The following NCALD variants were observed in gnomAD, a reference collection of about 807,000 sequenced individuals.
NCALD encodes neurocalcin-delta.
In NCALD, 10 loss-of-function variants were observed where a neutral mutation model predicts 18.6. The ratio of observed to expected loss-of-function variants is 0.54; its 90% CI spans 0.33 to 0.91. The LOEUF (loss-of-function observed/expected upper bound fraction) is 0.91. Ranked by LOEUF, NCALD falls within the 40% of genes least tolerant of loss-of-function variation. The probability of loss-of-function intolerance (pLI) is 0.03; values close to 1 mark genes in which losing one functional copy is unlikely to be tolerated. For missense variants in NCALD, 184 were observed against 247.6 expected (o/e 0.74, Z 1.72); for synonymous variants, 88 against 87.4 (o/e 1.01, Z -0.04).
At chr8:101,867,744 T>G (rs1300467456) in intron 4 of NCALD, among the ~76,000 whole-genome samples, 1 of 152,200 alleles carries the variant, frequency 6.6e-6, no homozygotes, top group Non-Finnish European at 1.5e-5. Flanking sequence ...CTGCTGAATC[T>G]CTGATGAGCC....
At chr8:102,004,708 C>G (rs9656850) in intron 2 of NCALD, among the ~76,000 whole-genome samples, 22,477 of 151,912 alleles carry the variant, frequency 0.15, 2,250 homozygotes, top group African/African-American at 0.28. Context: ...CAGAACAGAG[C>G]CCTCAGAAAT....
chr8:101,782,175 G>T (rs956678120), intron 1 of NCALD, among the ~76,000 whole-genome samples: 4 of 150,780 alleles, frequency 2.7e-5, no homozygotes, highest in Admixed American at 6.6e-5. Context: ...TGTTTTAAAG[G>T]CTTGACTTGT....
chr8:102,040,421 C>A (rs988167258), intron 1 of NCALD, among the ~76,000 whole-genome samples: 2 of 151,124 alleles, frequency 1.3e-5, no homozygotes, highest in African/African-American at 4.9e-5. Flanking sequence ...TTGCTGTGAG[C>A]CAAGATTGCT....
At chr8:101,886,660 C>T (rs934626416) in intron 4 of NCALD, among the ~76,000 whole-genome samples, 2 of 152,128 alleles carry the variant, frequency 1.3e-5, no homozygotes, top group Non-Finnish European at 2.9e-5. Flanking sequence ...GGTGCTGCTG[C>T]CCTAATTATA....
At chr8:101,873,522 A>G (rs1038341551) in intron 4 of NCALD, among the ~76,000 whole-genome samples, 1 of 152,250 alleles carries the variant, frequency 6.6e-6, no homozygotes, top group African/African-American at 2.4e-5. Flanking sequence ...ATTCACAGCT[A>G]TAACTGCTGC....
rs1030361523 is a variant in NCALD, at chr8:101,688,123, G to C, written c.*1186C>G. The C allele has an allele frequency of 6.5e-6, 1 of 153,014 alleles. No individual in the cohort carries two copies. Among genetic ancestry groups the C allele is most frequent in the Non-Finnish European group, 1.5e-5 (1 of 68,582 alleles). 9.5% of individuals were successfully genotyped at this position (153,014 alleles called of 1,614,324 possible). ...TATGTGATGTTTTTTCGAGTCTGCAGAGTATTGATCTGCTCAGAAAAGCAC... is the reference window on the plus strand; with the variant it reads ...TATGTGATGTTTTTTCGAGTCTGCACAGTATTGATCTGCTCAGAAAAGCAC... On this transcript the variant is annotated 3_prime_UTR_variant, in exon 4 of 4. Coordinates refer to ENST00000220931, the MANE Select transcript of NCALD (RefSeq NM_032041.3).
intron 1 of NCALD, among the ~76,000 whole-genome samples, chr8:101,730,777 C>T (rs1320416757): frequency 2.0e-5 from 3 of 152,124 alleles, no homozygotes; most frequent in Non-Finnish European, 4.4e-5. Flanking sequence ...TCATGGTTCC[C>T]GTATCCCTTA....
chr8:102,118,327 T>C (rs533760660), intron 1 of NCALD, among the ~76,000 whole-genome samples: 1 of 152,340 alleles, frequency 6.6e-6, no homozygotes, highest in Non-Finnish European at 1.5e-5. Flanking sequence ...CAGGGCTGGG[T>C]AGTGAAGGCT....
At chr8:101,804,510 TAA>T (rs1813006311) in intron 4 of NCALD, among the ~76,000 whole-genome samples, 1 of 124,240 alleles carries the variant, frequency 8.0e-6, no homozygotes, top group African/African-American at 3.6e-5. Context: ...ATTAATTATA[TAA>T]TATATAACAA....
chr8:101,958,658 A>G (rs1259507149), intron 2 of NCALD, among the ~76,000 whole-genome samples: 1 of 152,146 alleles, frequency 6.6e-6, no homozygotes. Flanking sequence ...TTATCCCTCA[A>G]CTGCTCTAGC....
intron 1 of NCALD, among the ~76,000 whole-genome samples, chr8:102,021,456 C>T (rs1822270239): frequency 6.6e-6 from 1 of 152,038 alleles, no homozygotes; most frequent in Admixed American, 6.6e-5. Context: ...ATTAAAAGAG[C>T]TCTATTGGAC....
At chr8:102,093,846 C>T (rs1260352866) in intron 1 of NCALD, among the ~76,000 whole-genome samples, 1 of 151,972 alleles carries the variant, frequency 6.6e-6, no homozygotes, top group Non-Finnish European at 1.5e-5. Flanking sequence ...CAATCAAACA[C>T]AATTCCTAAC....
At position 102,084,251 on chromosome 8, in the gene NCALD, A is replaced by G. The variant is rs530649446; in HGVS notation, c.-210+39986T>C. ...CCACTAGGGAATGTATTCGAATCAC[A>G]CAGCACCAAAGTAGGTTAATGGCCG... On this transcript the variant is annotated intron_variant, in intron 1 of 6. Transcript: ENST00000311028. Among the ~76,000 whole-genome samples, 10 of 152,340 alleles carry G rather than the reference A, an allele frequency of 6.6e-5. No individual in the cohort carries two copies. The South Asian group carries it at 2.1e-3, about 32-fold the overall frequency.
chr8:101,821,819 A>G (rs1813728831), intron 4 of NCALD, among the ~76,000 whole-genome samples: 1 of 148,062 alleles, frequency 6.8e-6, no homozygotes, highest in Non-Finnish European at 1.5e-5. Context: ...GAAAAAAACC[A>G]CTTTGGCAAT....
At chr8:101,884,586 T>C (rs1187343534) in intron 4 of NCALD, among the ~76,000 whole-genome samples, 2 of 152,238 alleles carry the variant, frequency 1.3e-5, no homozygotes, top group African/African-American at 4.8e-5. Context: ...AATCATCATT[T>C]ATCTCCAGCA....
At chr8:101,986,981 C>A (rs1820837806) in intron 2 of NCALD, among the ~76,000 whole-genome samples, 1 of 152,166 alleles carries the variant, frequency 6.6e-6, no homozygotes, top group South Asian at 2.1e-4. Flanking sequence ...CGGAATCACA[C>A]CTGCATAGGA....
chr8:101,702,195 C>T (rs185141335), intron 2 of NCALD, among the ~76,000 whole-genome samples: 30 of 152,138 alleles, frequency 2.0e-4, no homozygotes, highest in East Asian at 3.9e-4. Context: ...AACCACTGAA[C>T]CACTTTGTGT....
At position 101,696,083 on chromosome 8, in the gene NCALD, T is replaced by C. The variant is rs1814976335; in HGVS notation, c.379-3187A>G. On this transcript the variant is annotated intron_variant, in intron 2 of 3. Transcript: ENST00000220931. The stretch of plus-strand genomic sequence containing the variant: ...ATTTGAGCTTTTCCCTTAGAAACCA[T>C]GCAAACCCACCCACCATTGCAGACG... 3.3e-5 allele frequency among the ~76,000 whole-genome samples: 5 copies of C among 152,264 alleles called. No individual in the cohort carries two copies. In the South Asian group the frequency reaches 1.0e-3, roughly 32 times the overall value.
At chr8:101,823,605 A>G (rs1813810377) in intron 4 of NCALD, among the ~76,000 whole-genome samples, 1 of 152,174 alleles carries the variant, frequency 6.6e-6, no homozygotes, top group Non-Finnish European at 1.5e-5. Flanking sequence ...AACAGTATGA[A>G]AAAAAAATTC....
Sources: gnomAD v4.1 joint callset for allele counts (sites outside exome capture counted in the v4.1 genomes callset) on GRCh38, gnomAD v4.1.1 for gene constraint, MANE v1.5 for transcripts, NCBI Gene and HGNC (gene_info 2026-07-23, HGNC 2026-07-21) for gene names.